Variants in FARS2 observed in about 807,000 individuals in gnomAD.
The protein encoded by FARS2 is phenylalanine--tRNA ligase, mitochondrial.
A neutral mutation model predicts 46.4 loss-of-function variants in FARS2; 40 were observed. The ratio of observed to expected loss-of-function variants is 0.86; its 90% CI spans 0.67 to 1.12. FARS2 has a LOEUF of 1.12. Ranked by LOEUF, FARS2 falls within the 50% of genes most tolerant of loss-of-function variation. The pLI is 0.00. For missense variants in FARS2, 513 were observed against 567.9 expected (o/e 0.90, Z 0.98); for synonymous variants, 234 against 214.9 (o/e 1.09, Z -0.78).
At chr6:5,348,658 CT>C (rs1757390771) in intron 1 of FARS2, among the ~76,000 whole-genome samples, 1 of 150,892 alleles carries the variant, frequency 6.6e-6, no homozygotes, top group Non-Finnish European at 1.5e-5. Flanking sequence ...TCTTTTTATC[CT>C]TTAAAACTTG....
intron 1 of FARS2, among the ~76,000 whole-genome samples, chr6:5,326,617 G>T (rs1454540829): frequency 6.6e-6 from 1 of 152,158 alleles, no homozygotes; most frequent in African/African-American, 2.4e-5. Flanking sequence ...TTAAAGCTTC[G>T]AGTTCCAGGA....
rs1252760810 is a variant in FARS2 at position 5,511,714 on chromosome 6, T to C, written c.905-33466T>C. 2.6e-5 allele frequency among the ~76,000 whole-genome samples: 4 copies of C among 152,358 alleles called. No homozygotes were observed. The East Asian group carries it at 7.7e-4, about 29-fold the overall frequency. ...TGTGGCCCTAACCATGCCTTTTCTC[T>C]GTTTTCCTCATTAAACTGGTGAATC... On this transcript the variant is annotated intron_variant, in intron 4 of 6. Transcript: ENST00000274680.
chr6:5,684,863 T>C (rs1757069734), intron 6 of FARS2, among the ~76,000 whole-genome samples: 1 of 152,196 alleles, frequency 6.6e-6, no homozygotes, highest in Admixed American at 6.5e-5. Flanking sequence ...CTCCCAGCAC[T>C]CTATTTAAGC....
At chr6:5,758,653 T>A (rs536141986) in intron 6 of FARS2, among the ~76,000 whole-genome samples, 1 of 152,324 alleles carries the variant, frequency 6.6e-6, no homozygotes, top group South Asian at 2.1e-4. Context: ...TTTGGAAGAA[T>A]GTGTTCCCCT....
At chr6:5,369,510 A>T (rs1758906181) in intron 2 of FARS2, among the ~76,000 whole-genome samples, 1 of 152,152 alleles carries the variant, frequency 6.6e-6, no homozygotes, top group African/African-American at 2.4e-5. Flanking sequence ...TTAATCCAGG[A>T]TGGCTGAAGG....
rs184487981 is a variant in FARS2, at chr6:5,583,852, C to G, written c.1066-29317C>G. The stretch of plus-strand genomic sequence containing the variant: ...TCCCGGGCACAGGCAACTGGCTATT[C>G]TCACTGGGGAAGTCTGTTTTGCAAG... On this transcript the variant is annotated intron_variant, in intron 5 of 6. Coordinates refer to ENST00000274680, the MANE Select transcript of FARS2 (RefSeq NM_006567.5). 2.7e-3 allele frequency among the ~76,000 whole-genome samples: 412 copies of G among 152,258 alleles called. 3 individuals are homozygous for G. The Middle Eastern group carries it at 0.031, about 11-fold the overall frequency.
intron 6 of FARS2, among the ~76,000 whole-genome samples, chr6:5,646,910 A>G (rs369924423): frequency 1.3e-5 from 2 of 152,114 alleles, no homozygotes; most frequent in East Asian, 1.9e-4. Flanking sequence ...GATATGGAGG[A>G]CCAACTATAT....
At chr6:5,356,923 G>A (rs1757969420) in intron 1 of FARS2, among the ~76,000 whole-genome samples, 1 of 142,946 alleles carries the variant, frequency 7.0e-6, no homozygotes, top group Non-Finnish European at 1.5e-5. Context: ...AAAGGTTATA[G>A]AGAAGTGGAG....
chr6:5,731,132 A>C (rs1195449055), intron 6 of FARS2, among the ~76,000 whole-genome samples: 1 of 152,208 alleles, frequency 6.6e-6, no homozygotes, highest in Non-Finnish European at 1.5e-5. Context: ...AGTGACAAGC[A>C]TTGGTCATTT....
upstream of FARS2, chr6:5,260,722 G>A: frequency 6.4e-7 from 1 of 1,551,052 alleles, no homozygotes; most frequent in Non-Finnish European, 8.7e-7. Context: ...GTGCGCGACT[G>A]GAGGCTGCCA....
intron 4 of FARS2, among the ~76,000 whole-genome samples, chr6:5,438,645 A>G (rs913270726): frequency 6.6e-6 from 1 of 152,132 alleles, no homozygotes; most frequent in Non-Finnish European, 1.5e-5. Context: ...TGCTTTAAAT[A>G]CATGTTGAAT....
chr6:5,651,127 A>G (rs1349318644), intron 6 of FARS2, among the ~76,000 whole-genome samples: 2 of 152,180 alleles, frequency 1.3e-5, no homozygotes, highest in Non-Finnish European at 2.9e-5. Context: ...GGGAGAGGAG[A>G]CATCAGCAAC....
At chr6:5,477,804 A>G (rs1766210452) in intron 4 of FARS2, among the ~76,000 whole-genome samples, 1 of 152,320 alleles carries the variant, frequency 6.6e-6, no homozygotes, top group African/African-American at 2.4e-5. Flanking sequence ...GGATGGCTTG[A>G]GACCAGGAGG....
intron 6 of FARS2, among the ~76,000 whole-genome samples, chr6:5,639,669 T>C (rs1389736500): frequency 6.6e-6 from 1 of 152,236 alleles, no homozygotes; most frequent in Non-Finnish European, 1.5e-5. Context: ...TGTTCTTTAT[T>C]TGCAAATGAG....
chr6:5,706,210 G>A (rs1758749502), intron 6 of FARS2, among the ~76,000 whole-genome samples: 1 of 152,178 alleles, frequency 6.6e-6, no homozygotes, highest in Middle Eastern at 3.2e-3. Flanking sequence ...CCGCTGATGT[G>A]ACAACAGGCA....
intron 6 of FARS2, among the ~76,000 whole-genome samples, chr6:5,626,912 C>T (rs1358344129): frequency 6.6e-6 from 1 of 152,192 alleles, no homozygotes; most frequent in Non-Finnish European, 1.5e-5. Flanking sequence ...ACAGTGTAGC[C>T]TATTGCTTCT....
At chr6:5,423,571 C>T (rs1762680429) in intron 3 of FARS2, among the ~76,000 whole-genome samples, 1 of 152,004 alleles carries the variant, frequency 6.6e-6, no homozygotes, top group Admixed American at 6.5e-5. Flanking sequence ...TTTATTTTTC[C>T]CCTATTGCTT....
intron 4 of FARS2, among the ~76,000 whole-genome samples, chr6:5,459,920 A>G (rs575889516): frequency 2.0e-5 from 3 of 152,152 alleles, no homozygotes; most frequent in African/African-American, 7.2e-5. Context: ...CGCTTTAAAT[A>G]TTCTCCTTTG....
chr6:5,445,315 A>G (rs1365154284), intron 4 of FARS2, among the ~76,000 whole-genome samples: 1 of 152,218 alleles, frequency 6.6e-6, no homozygotes, highest in Non-Finnish European at 1.5e-5. Flanking sequence ...TCAGTGGCTC[A>G]GTTTTATTTT....
Sources: allele counts gnomAD v4.1 joint callset (sites outside exome capture counted in the v4.1 genomes callset), GRCh38; gene constraint gnomAD v4.1.1; transcripts MANE v1.5; gene names NCBI Gene and HGNC (gene_info 2026-07-23, HGNC 2026-07-21).